ABL1: variants seen among roughly 807,000 people sequenced by gnomAD.
The protein encoded by ABL1 is tyrosine-protein kinase ABL1.
Under a neutral mutation model 94.7 loss-of-function variants are expected in ABL1, and 11 were observed. The observed-to-expected ratio is 0.12, with a 90% confidence interval of 0.07 to 0.19. ABL1 has a LOEUF of 0.19. Ranked by LOEUF, ABL1 falls within the 10% of genes least tolerant of loss-of-function variation. The probability of loss-of-function intolerance (pLI) is 1.00; values close to 1 mark genes in which losing one functional copy is unlikely to be tolerated. For synonymous variants in ABL1, 656 were observed against 622.4 expected (o/e 1.05, Z -0.80); for missense variants, 1,082 against 1,489.4 (o/e 0.73, Z 4.50).
chr9:130,714,543 C>T (rs1408028642), intron 1 of ABL1: 2 of 1,506,392 alleles, frequency 1.3e-6, no homozygotes, highest in Non-Finnish European at 9.2e-7. Context: ...GTACTTGCGA[C>T]AGTTCCTTCC....
chr9:130,775,468 T>C (rs1255313377), intron 1 of ABL1, among the ~76,000 whole-genome samples: 5 of 151,930 alleles, frequency 3.3e-5, no homozygotes, highest in Admixed American at 6.6e-5. Flanking sequence ...AAATGAAAAC[T>C]ACGATCAGTG....
intron 1 of ABL1, among the ~76,000 whole-genome samples, chr9:130,756,380 C>T (rs1832041932): frequency 6.6e-6 from 1 of 150,658 alleles, no homozygotes. Context: ...GTTCAGATTT[C>T]CCACACACTG....
chr9:130,769,325 T>A (rs1171874637), intron 1 of ABL1, among the ~76,000 whole-genome samples: 1 of 144,834 alleles, frequency 6.9e-6, no homozygotes, highest in Non-Finnish European at 1.5e-5. Flanking sequence ...ACTATGGCCC[T>A]AGTCTTTTTT....
chr9:130,746,776 T>G (rs1181489294), intron 1 of ABL1, among the ~76,000 whole-genome samples: 2 of 152,116 alleles, frequency 1.3e-5, no homozygotes, highest in African/African-American at 4.8e-5. Flanking sequence ...ACATAATTTT[T>G]TAATTCACTT....
rs367767966 is a variant in ABL1 at position 130,872,882 on chromosome 9, G to C, written c.930G>C (p.Pro310=). ...CAGGGGTCTGCACCCGGGAGCCCCC[G>C]TTCTATATCATCACTGAGTTCATGA... The part of the protein sequence containing the change: ...QLLGVCTREP[P]FYIITEFMTY... Residue 310 remains proline, a synonymous_variant, in exon 6 of 11, where the codon CCG becomes CCC. Transcript: ENST00000318560. This position sits in a 1 kb window ranked among gnomAD's most constrained non-coding sequence, Gnocchi z 5.0. The C allele has an allele frequency of 6.2e-7, 1 of 1,613,406 alleles. No individual in the cohort carries two copies. The highest frequency in any genetic ancestry group is 1.1e-5 in the South Asian group (1 of 91,046).
At chr9:130,851,766 C>CTTTTTTTTTTTTTTT in intron 1 of ABL1, among the ~76,000 whole-genome samples, 1 of 122,794 alleles carries the variant, frequency 8.1e-6, no homozygotes, top group Non-Finnish European at 1.7e-5. Context: ...CTCTCTTTTT[C>CTTTTTTTTTTTTTTT]TTTTTTTTTT....
At chr9:130,716,348 T>C (rs1442918916) in intron 1 of ABL1, among the ~76,000 whole-genome samples, 4 of 152,128 alleles carry the variant, frequency 2.6e-5, no homozygotes, top group Admixed American at 1.3e-4. Flanking sequence ...CCACCCACCT[T>C]GGCCTCCCAA....
In ABL1 at chr9:130,807,533, C is replaced by T. The variant is rs542865824; in HGVS notation, c.137-46531C>T. Among the ~76,000 whole-genome samples the T allele has an allele frequency of 4.6e-5, 7 of 151,996 alleles. No individual in the cohort carries two copies. In the East Asian group the frequency reaches 1.4e-3, roughly 30 times the overall value. ...GGGATTACAGGCTTAAGCTACCACG[C>T]CTGGTCTTCTAATAGAATTTTTAAA... On this transcript the variant is annotated intron_variant, in intron 1 of 10. Coordinates refer to the ABL1 transcript ENST00000372348.
In ABL1 at chr9:130,876,411, CT is replaced by C. The variant is rs60634610; in HGVS notation, c.1270+1371del. On this transcript the variant is annotated intron_variant, in intron 7 of 10. Transcript: ENST00000318560. ...TTTTTAAAATAACAAATTACTTTTT[CT>C]TTTTTTTTTTTGGAGCCAGAGTCTT... 1.3e-3 allele frequency among the ~76,000 whole-genome samples: 189 copies of C among 142,258 alleles called. 1 individual carries two copies. The highest frequency in any genetic ancestry group is 2.7e-3 in the South Asian group (12 of 4,518). The allele number at this position is 142,258 out of a possible 152,430, so 93.3% of individuals were successfully genotyped here. A position where few individuals can be genotyped will look rare whatever the true frequency, so the allele number is the denominator to read the frequency against.
intron 1 of ABL1, among the ~76,000 whole-genome samples, chr9:130,799,439 A>G (rs1408625960): frequency 3.3e-5 from 5 of 152,310 alleles, no homozygotes; most frequent in African/African-American, 1.2e-4. Context: ...ACCCATGGAA[A>G]GTCTTCATGT....
chr9:130,846,019 A>T (rs1159673492), intron 1 of ABL1, among the ~76,000 whole-genome samples: 5 of 152,048 alleles, frequency 3.3e-5, no homozygotes, highest in Non-Finnish European at 7.4e-5. Flanking sequence ...GCACCCTAGC[A>T]GCTGACACAG....
chr9:130,728,933 A>T (rs1831626996), intron 1 of ABL1, among the ~76,000 whole-genome samples: 1 of 152,084 alleles, frequency 6.6e-6, no homozygotes, highest in Admixed American at 6.6e-5. Flanking sequence ...TGTGGGTGTT[A>T]TATTGTAGGG....
chr9:130,757,581 C>T lies in ABL1; in HGVS notation c.136+43126C>T, dbSNP rs1370633007. ...TGAGACAGAGTCTTGCTCTGTCACC[C>T]AGGCTGGAGTGTAGTGGTGCGATCT... On this transcript the variant is annotated intron_variant, in intron 1 of 10. Transcript: ENST00000372348. 7.4e-5 allele frequency among the ~76,000 whole-genome samples: 11 copies of T among 148,918 alleles called. No individual in the cohort carries two copies. The Admixed American group carries it at 7.4e-4, about 10-fold the overall frequency.
intron 1 of ABL1, among the ~76,000 whole-genome samples, chr9:130,736,989 A>G (rs1831752680): frequency 1.3e-5 from 2 of 152,192 alleles, no homozygotes; most frequent in Non-Finnish European, 2.9e-5. Flanking sequence ...TCCAAGCTCC[A>G]GAGGACCTGC....
chr9:130,815,307 C>T (rs1830269468), intron 1 of ABL1, among the ~76,000 whole-genome samples: 2 of 152,192 alleles, frequency 1.3e-5, no homozygotes, highest in South Asian at 4.1e-4. Context: ...GCACTCCAGC[C>T]TGGGCGACAG....
chr9:130,845,964 A>G (rs1830762772), intron 1 of ABL1, among the ~76,000 whole-genome samples: 1 of 151,978 alleles, frequency 6.6e-6, no homozygotes. Context: ...GAGCGGGGCT[A>G]CTGCTGGTTC....
chr9:130,720,638 G>T (rs755254478), intron 1 of ABL1, among the ~76,000 whole-genome samples: 1 of 152,146 alleles, frequency 6.6e-6, no homozygotes, highest in Non-Finnish European at 1.5e-5. Context: ...AGAATTTTCC[G>T]AGGGGACTAT....
intron 4 of ABL1, among the ~76,000 whole-genome samples, chr9:130,865,261 C>G (rs893610204): frequency 6.6e-6 from 1 of 152,154 alleles, no homozygotes; most frequent in Non-Finnish European, 1.5e-5. Context: ...GGCAGTCACC[C>G]GGAGTGGTAT....
chr9:130,782,189 G>A (rs988065536), intron 1 of ABL1, among the ~76,000 whole-genome samples: 2 of 151,958 alleles, frequency 1.3e-5, no homozygotes, highest in Non-Finnish European at 2.9e-5. Flanking sequence ...CTCCCAAGTA[G>A]CTGGGACTAC....
Sources: allele counts gnomAD v4.1 joint callset (sites outside exome capture counted in the v4.1 genomes callset), GRCh38; gene constraint gnomAD v4.1.1; non-coding constraint Gnocchi (gnomAD v3.1); transcripts MANE v1.5; gene names NCBI Gene and HGNC (gene_info 2026-07-23, HGNC 2026-07-21).